The following RAB28 variants were observed in gnomAD, a reference collection of about 807,000 sequenced individuals.
RAB28 encodes ras-related protein Rab-28.
RAB28 carries 24 observed loss-of-function variants against 31.7 expected under a neutral mutation model. That is an observed-to-expected ratio of 0.76 (90% CI 0.55 to 1.06). RAB28 has a LOEUF of 1.06. Among genes scored for constraint, RAB28 ranks in the 50% least tolerant of loss-of-function variants. RAB28 has a pLI of 0.00. For synonymous variants in RAB28, 100 were observed against 90.4 expected, an observed-to-expected ratio of 1.11 and a Z score of -0.60; for missense variants, 254 against 258.5, an observed-to-expected ratio of 0.98 and a Z score of 0.12.
intron 4 of RAB28, among the ~76,000 whole-genome samples, chr4:13,449,960 C>G (rs908644866): frequency 6.6e-6 from 1 of 151,662 alleles, no homozygotes; most frequent in Non-Finnish European, 1.5e-5. Context: ...AAAGGCATAA[C>G]GGATTAAAGA....
At chr4:13,456,529 G>C (rs995476941) in intron 4 of RAB28, among the ~76,000 whole-genome samples, 1 of 152,152 alleles carries the variant, frequency 6.6e-6, no homozygotes, top group African/African-American at 2.4e-5. Context: ...GCAGGAAACT[G>C]AGGCATAAAA....
At chr4:13,458,249 C>T (rs1442296704) in intron 4 of RAB28, among the ~76,000 whole-genome samples, 1 of 151,692 alleles carries the variant, frequency 6.6e-6, no homozygotes, top group Non-Finnish European at 1.5e-5. Context: ...TATGACAATG[C>T]CTGTATTTTT....
intron 4 of RAB28, among the ~76,000 whole-genome samples, chr4:13,409,460 T>A (rs984322261): frequency 2.6e-5 from 4 of 152,158 alleles, no homozygotes; most frequent in African/African-American, 9.7e-5. Context: ...CCAACTCTAA[T>A]CCTGATACCA....
intron 4 of RAB28, among the ~76,000 whole-genome samples, chr4:13,439,612 G>C (rs1714309197): frequency 6.6e-6 from 1 of 152,162 alleles, no homozygotes; most frequent in Non-Finnish European, 1.5e-5. Context: ...CTCCCAAAGT[G>C]CTGAGATTAC....
intron 4 of RAB28, among the ~76,000 whole-genome samples, chr4:13,455,717 G>C (rs549938215): frequency 6.6e-6 from 1 of 152,346 alleles, no homozygotes; most frequent in South Asian, 2.1e-4. Context: ...GTCAGGACTT[G>C]CAAGAACTGT....
chr4:13,389,893 T>C (rs1203426719), intron 4 of RAB28, among the ~76,000 whole-genome samples: 1 of 152,168 alleles, frequency 6.6e-6, no homozygotes, highest in Non-Finnish European at 1.5e-5. Flanking sequence ...AAACTGGGTA[T>C]TGATGGAACG....
At chr4:13,419,965 G>A (rs1396948247) in intron 4 of RAB28, among the ~76,000 whole-genome samples, 1 of 151,922 alleles carries the variant, frequency 6.6e-6, no homozygotes, top group Non-Finnish European at 1.5e-5. Flanking sequence ...AATGAATCCA[G>A]GAGCTGGTTT....
chr4:13,390,485 T>C (rs182885200), intron 4 of RAB28, among the ~76,000 whole-genome samples: 27 of 151,956 alleles, frequency 1.8e-4, no homozygotes, highest in African/African-American at 6.0e-4. Flanking sequence ...AAAACGGCCA[T>C]ACTGCCCAAG....
intron 4 of RAB28, among the ~76,000 whole-genome samples, chr4:13,438,621 T>C (rs913374497): frequency 7.2e-5 from 11 of 152,350 alleles, no homozygotes; most frequent in South Asian, 2.1e-4. Context: ...CACTCCTTTT[T>C]TGGCTGAATA....
chr4:13,407,686 C>T, intron 4 of RAB28, among the ~76,000 whole-genome samples: 1 of 152,132 alleles, frequency 6.6e-6, no homozygotes. Flanking sequence ...TTTCCTTAAG[C>T]AGTGGTTTGT....
chr4:13,375,617 C>A (rs982261903), intron 6 of RAB28, among the ~76,000 whole-genome samples: 1 of 152,190 alleles, frequency 6.6e-6, no homozygotes, highest in African/African-American at 2.4e-5. Context: ...TATCTTAGCA[C>A]TGTATTTGGC....
chr4:13,390,810 T>C (rs1197876876), intron 4 of RAB28, among the ~76,000 whole-genome samples: 1 of 152,182 alleles, frequency 6.6e-6, no homozygotes. Flanking sequence ...GGGGAAAGGA[T>C]TCCCTATTTA....
chr4:13,416,818 A>C (rs1473172795), intron 4 of RAB28, among the ~76,000 whole-genome samples: 2 of 152,242 alleles, frequency 1.3e-5, no homozygotes, highest in Non-Finnish European at 1.5e-5. Flanking sequence ...TCCCAGTGTG[A>C]TCAACACAGA....
At chr4:13,474,218 TAGAA>T (rs1716246404) in intron 3 of RAB28, 96 bp downstream of exon 3, 5 of 847,644 alleles carry the variant, frequency 5.9e-6, no homozygotes, top group Middle Eastern at 2.2e-4. Flanking sequence ...GATAAAAAGT[TAGAA>T]AGAATGTGTG....
At position 13,390,563 on chromosome 4, in the gene RAB28, CTACTT is replaced by C. The variant is rs542709492; in HGVS notation, c.392-8974_392-8970del. On this transcript the variant is annotated intron_variant, in intron 4 of 6. Coordinates refer to ENST00000330852, the MANE Select transcript of RAB28 (RefSeq NM_001017979.3). ...ACTTTCTTCACAGAATTGGAAAAAA[CTACTT>C]TAAAGTTCACATGGAATCAAAAAAA... Among the ~76,000 whole-genome samples, 56 of 151,238 alleles carry C rather than the reference CTACTT, an allele frequency of 3.7e-4. 1 individual carries two copies. The South Asian group carries it at 0.01, about 28-fold the overall frequency.
chr4:13,426,737 T>C (rs900177979), intron 4 of RAB28, among the ~76,000 whole-genome samples: 15 of 152,216 alleles, frequency 9.9e-5, no homozygotes, highest in Non-Finnish European at 1.5e-5. Flanking sequence ...TACCTTATTA[T>C]ACTGATGAGA....
intron 4 of RAB28, among the ~76,000 whole-genome samples, chr4:13,427,023 A>G (rs1252982462): frequency 6.6e-6 from 1 of 152,134 alleles, no homozygotes; most frequent in East Asian, 1.9e-4. Flanking sequence ...TGAAATCAGG[A>G]GGTGTATAGT....
chr4:13,399,683 T>C (rs1711634530), intron 4 of RAB28, among the ~76,000 whole-genome samples: 1 of 152,204 alleles, frequency 6.6e-6, no homozygotes, highest in Non-Finnish European at 1.5e-5. Context: ...GTGATGAGAC[T>C]CCACTTATAT....
intron 4 of RAB28, among the ~76,000 whole-genome samples, chr4:13,434,017 T>C (rs759035397): frequency 2.0e-5 from 3 of 152,162 alleles, no homozygotes; most frequent in Non-Finnish European, 4.4e-5. Context: ...TGCAGCAACA[T>C]GGATACAACT....
Sources: allele counts gnomAD v4.1 joint callset (sites outside exome capture counted in the v4.1 genomes callset), GRCh38; gene constraint gnomAD v4.1.1; transcripts MANE v1.5; gene names NCBI Gene and HGNC (gene_info 2026-07-23, HGNC 2026-07-21).